The following ZDHHC21 variants were observed in gnomAD, a reference collection of about 807,000 sequenced individuals.
ZDHHC21 encodes the protein palmitoyltransferase ZDHHC21.
Under a neutral mutation model 34.6 loss-of-function variants are expected in ZDHHC21, and 15 were observed. That is an observed-to-expected ratio of 0.43 (90% confidence interval 0.29 to 0.67). The LOEUF (loss-of-function observed/expected upper bound fraction) is 0.67, where lower values mean the gene tolerates loss of function less well. Among genes scored for constraint, ZDHHC21 ranks in the 30% least tolerant of loss-of-function variants. ZDHHC21 has a pLI of 0.14. For missense variants in ZDHHC21, 344 were observed against 327.7 expected, an observed-to-expected ratio of 1.05 and a Z score of -0.38; for synonymous variants, 142 against 101.8, an observed-to-expected ratio of 1.40 and a Z score of -2.38.
chr9:14,636,973 T>C (rs1828413517), intron 8 of ZDHHC21, among the ~76,000 whole-genome samples: 1 of 151,838 alleles, frequency 6.6e-6, no homozygotes, highest in Admixed American at 6.6e-5. Context: ...AAGCAAATAG[T>C]CTAATGATGC....
chr9:14,685,819 G>A (rs937534016), intron 2 of ZDHHC21, among the ~76,000 whole-genome samples: 1 of 152,158 alleles, frequency 6.6e-6, no homozygotes, highest in Non-Finnish European at 1.5e-5. Flanking sequence ...GTTCATCAAT[G>A]ATAGACTGGA....
chr9:14,623,757 C>A (rs1825729260), intron 8 of ZDHHC21, among the ~76,000 whole-genome samples: 1 of 151,752 alleles, frequency 6.6e-6, no homozygotes, highest in Non-Finnish European at 1.5e-5. Flanking sequence ...CACTAGCCAT[C>A]AGAGAAACGT....
the ZDHHC21 span, among the ~76,000 whole-genome samples, chr9:14,600,545 A>G: frequency 6.6e-6 from 1 of 152,234 alleles, no homozygotes; most frequent in African/African-American, 2.4e-5. Context: ...GATGGATAGG[A>G]AGAATCAATA....
chr9:14,626,572 CT>C (rs1826245787), intron 8 of ZDHHC21, among the ~76,000 whole-genome samples: 1 of 151,794 alleles, frequency 6.6e-6, no homozygotes, highest in Non-Finnish European at 1.5e-5. Context: ...TATAAATATG[CT>C]TTTACATAGG....
At chr9:14,659,009 T>C in intron 6 of ZDHHC21, 122 bp from the exon 7 acceptor site, 1 of 961,556 alleles carries the variant, frequency 1.0e-6, no homozygotes. Flanking sequence ...AGATATGCTA[T>C]GGCCACTTGA....
intron 8 of ZDHHC21, chr9:14,622,720 A>G (rs985025287): frequency 1.0e-6 from 1 of 985,118 alleles, no homozygotes; most frequent in Non-Finnish European, 1.2e-6. Flanking sequence ...GGAATAAACA[A>G]TCTGTTATAT....
At chr9:14,608,255 T>TC (rs1469548719), downstream of ZDHHC21, among the ~76,000 whole-genome samples, 1 of 152,070 alleles carries the variant, frequency 6.6e-6, no homozygotes, top group Non-Finnish European at 1.5e-5. Context: ...CTATAAAATC[T>TC]CCATCTCGTA....
rs749163640 is a variant in ZDHHC21 at position 14,658,893 on chromosome 9, GA to G, written c.366-7del. ...CACCAACACAATTGTTAATCCTAAAGAAAAAAAATGAAAAAGAAACAATATT... is the reference window on the plus strand; with the variant it reads ...CACCAACACAATTGTTAATCCTAAAGAAAAAAATGAAAAAGAAACAATATT... On this transcript the variant is annotated splice_region_variant and splice_polypyrimidine_tract_variant and intron_variant, in intron 6 of 9. Coordinates refer to ENST00000380916, the MANE Select transcript of ZDHHC21 (RefSeq NM_178566.6). 7.0e-6 allele frequency: 11 copies of G among 1,579,148 alleles called. No homozygotes were observed. The highest frequency in any genetic ancestry group is 4.5e-5 in the East Asian group (2 of 44,042).
intron 5 of ZDHHC21, among the ~76,000 whole-genome samples, chr9:14,663,162 C>G (rs1833708182): frequency 6.6e-6 from 1 of 151,994 alleles, no homozygotes; most frequent in South Asian, 2.1e-4. Context: ...AGTCATCTTC[C>G]TAGAAAAGAC....
the ZDHHC21 span, among the ~76,000 whole-genome samples, chr9:14,598,461 T>G: frequency 1.3e-4 from 20 of 152,148 alleles, no homozygotes; most frequent in Non-Finnish European, 2.8e-4. Flanking sequence ...AGTATTTCCC[T>G]ATGAAAGCCA....
chr9:14,628,581 G>A (rs34881971), intron 8 of ZDHHC21, among the ~76,000 whole-genome samples: 848 of 75,520 alleles, frequency 0.011, 11 homozygotes, highest in African/African-American at 0.044. Flanking sequence ...GGGTGCAAGA[G>A]TAGGGAAAAA....
chr9:14,592,079 T>A, the ZDHHC21 span, among the ~76,000 whole-genome samples: 1 of 152,082 alleles, frequency 6.6e-6, no homozygotes, highest in African/African-American at 2.4e-5. Flanking sequence ...TGCATGCCAT[T>A]TTTACAATTA....
At chr9:14,689,338 G>C (rs1408283900) in intron 2 of ZDHHC21, among the ~76,000 whole-genome samples, 3 of 152,216 alleles carry the variant, frequency 2.0e-5, no homozygotes, top group South Asian at 2.1e-4. Flanking sequence ...ATCAGTACTT[G>C]ATCTCAGAAG....
chr9:14,615,595 G>GTC lies in ZDHHC21; in HGVS notation c.*3369_*3370dup, dbSNP rs1824018522. ...CTAACTTGATATTTTTAAACTGTAA[G>GTC]TCTGGGTTACAAAGTACCAACTGCT... On this transcript the variant is annotated 3_prime_UTR_variant, in exon 10 of 10. Transcript: ENST00000380916. 6.6e-6 allele frequency: 1 copy of GTC among 151,544 alleles called. No homozygotes were observed. Among genetic ancestry groups the GTC allele is most frequent in the Admixed American group, 6.6e-5 (1 of 15,164 alleles). 9.4% of individuals were successfully genotyped at this position (151,544 alleles called of 1,614,324 possible). A position where few individuals can be genotyped will look rare whatever the true frequency, so the allele number is the denominator to read the frequency against.
intron 2 of ZDHHC21, 79 bp downstream of exon 2, chr9:14,690,258 T>C: frequency 2.3e-6 from 1 of 430,286 alleles, no homozygotes; most frequent in Non-Finnish European, 4.6e-6. Context: ...AAGACTAAAT[T>C]AGATTTCCTT....
chr9:14,687,054 C>G (rs1838433468), intron 2 of ZDHHC21, among the ~76,000 whole-genome samples: 1 of 149,870 alleles, frequency 6.7e-6, no homozygotes, highest in South Asian at 2.1e-4. Flanking sequence ...AAAATTCAAA[C>G]AGAATTAAAT....
At chr9:14,680,953 G>C (rs1368486514) in intron 2 of ZDHHC21, among the ~76,000 whole-genome samples, 1 of 152,126 alleles carries the variant, frequency 6.6e-6, no homozygotes, top group Non-Finnish European at 1.5e-5. Context: ...AACCCTGTGA[G>C]GTAGCTAGAT....
chr9:14,613,826 A>G lies in ZDHHC21; in HGVS notation c.*5140T>C, dbSNP rs1338028891. 1 of 151,740 alleles carries G rather than the reference A, an allele frequency of 6.6e-6. No individual in the cohort carries two copies. Among genetic ancestry groups the G allele is most frequent in the East Asian group, 1.9e-4 (1 of 5,186 alleles). 9.4% of individuals were successfully genotyped at this position (151,740 alleles called of 1,614,324 possible). On this transcript the variant is annotated 3_prime_UTR_variant, in exon 10 of 10. Transcript: ENST00000380916. ...ATAAGAGATTTCCAGAAAAGGTGCC[A>G]GTTTTTTCAAACTTTGGTCAACCTA...
rs1338418161 is a variant in ZDHHC21, at chr9:14,616,447, T to C, written c.*2519A>G. 1 of 151,824 alleles carries C rather than the reference T, an allele frequency of 6.6e-6. No individual in the cohort carries two copies. The highest frequency in any genetic ancestry group is 2.4e-5 in the African/African-American group (1 of 41,426). The allele number at this position is 151,824 out of a possible 1,614,324, so 9.4% of individuals were successfully genotyped here. ...AAACATGTTCATTTTCATAAAATTT[T>C]ACATTTTTGTACATACACTCCTCCT... is the stretch of plus-strand genomic sequence containing the variant. On this transcript the variant is annotated 3_prime_UTR_variant, in exon 10 of 10. Transcript: ENST00000380916.
Sources: allele counts gnomAD v4.1 joint callset (sites outside exome capture counted in the v4.1 genomes callset), GRCh38; gene constraint gnomAD v4.1.1; transcripts MANE v1.5; gene names NCBI Gene and HGNC (gene_info 2026-07-23, HGNC 2026-07-21).